The following AOC1 variants were observed in gnomAD, a reference collection of about 807,000 sequenced individuals.
The protein encoded by AOC1 is diamine oxidase [copper-containing].
A neutral mutation model predicts 57.1 loss-of-function variants in AOC1; 58 were observed. The ratio of observed to expected loss-of-function variants is 1.02; its 90% CI spans 0.82 to 1.26. The LOEUF is 1.26. Among genes scored for constraint, AOC1 ranks in the 50% most tolerant of loss-of-function variants. AOC1 has a pLI of 0.00. For synonymous variants in AOC1, 401 were observed against 423.4 expected, an observed-to-expected ratio of 0.95 and a Z score of 0.65; for missense variants, 917 against 1,005.3, an observed-to-expected ratio of 0.91 and a Z score of 1.19.
rs1033435266 is a variant in AOC1 at position 150,861,438 on chromosome 7, G to T, written c.*229G>T. ...CACACAGACGTGCACGCACTCACAC[G>T]GACATGCACACACATGGCATGTACT... On this transcript the variant is annotated 3_prime_UTR_variant, in exon 5 of 5. Transcript: ENST00000360937. This position sits in a 1 kb window ranked among gnomAD's most constrained non-coding sequence, Gnocchi z 4.5. The T allele has an allele frequency of 4.1e-6, 2 of 482,754 alleles. No individual in the cohort carries two copies. The highest frequency in any genetic ancestry group is 7.2e-6 in the Non-Finnish European group (2 of 275,884). The allele number at this position is 482,754 out of a possible 1,614,324, so 29.9% of individuals were successfully genotyped here.
intron 4 of AOC1, 74 bp from the exon 5 acceptor site, chr7:150,860,869 T>TTCAGCAAGTTTCCAGGCA: frequency 6.5e-7 from 1 of 1,529,148 alleles, no homozygotes; most frequent in Non-Finnish European, 8.8e-7. Context: ...GAACTGAAAA[T>TTCAGCAAGTTTCCAGGCA]GACCAAAGGC....
chr7:150,858,754 T>C lies in AOC1; in HGVS notation c.1571-9T>C, dbSNP rs1312517355. The stretch of plus-strand genomic sequence containing the variant: ...GATTCTCGTTCTCCTTCTCCCTGCA[T>C]ACCTCCAGGCACCAAGAACAGCTTC... On this transcript the variant is annotated splice_polypyrimidine_tract_variant and intron_variant, in intron 2 of 4. Coordinates refer to ENST00000360937, the MANE Select transcript of AOC1 (RefSeq NM_001091.4). The C allele has an allele frequency of 1.9e-6, 3 of 1,586,332 alleles. No individual in the cohort carries two copies. Among genetic ancestry groups the C allele is most frequent in the African/African-American group, 2.7e-5 (2 of 74,290 alleles).
chr7:150,856,349 C>T lies in AOC1; in HGVS notation c.-16-106C>T. 1 of 1,380,704 alleles carries T rather than the reference C, an allele frequency of 7.2e-7. No homozygotes were observed. Among genetic ancestry groups the T allele is most frequent in the South Asian group, 1.5e-5 (1 of 68,798 alleles). 85.5% of individuals were successfully genotyped at this position (1,380,704 alleles called of 1,614,324 possible). On this transcript the variant is annotated intron_variant, in intron 1 of 4. Transcript: ENST00000360937. This position sits in a 1 kb window ranked among gnomAD's most constrained non-coding sequence, Gnocchi z 5.2. ...GGACAGCCTCCAGCTTGGGGCAGGG[C>T]AAGGGGAGGAAGCTCAGTCCATGGG...
At chr7:150,854,744 C>G (rs1253631389) in intron 1 of AOC1, among the ~76,000 whole-genome samples, 1 of 152,204 alleles carries the variant, frequency 6.6e-6, no homozygotes, top group South Asian at 2.1e-4. Flanking sequence ...AAATGAAAAG[C>G]GCTCATGATG....
chr7:150,858,639 C>G (rs1799867284), intron 2 of AOC1, 124 bp from the exon 3 acceptor site: 1 of 1,098,892 alleles, frequency 9.1e-7, no homozygotes, highest in African/African-American at 1.6e-5. Context: ...CATCCCCCAA[C>G]ATCCCGGTTA....
Position 150,860,648 on chromosome 7 carries a change from C to T in AOC1, c.1989+15C>T. On this transcript the variant is annotated intron_variant, in intron 4 of 4. Transcript: ENST00000360937. The stretch of plus-strand genomic sequence containing the variant: ...TTGAAAATGAGGTACTGCCCTGTCC[C>T]CAGCCCTGCCCGGTGCTGGCCCTGC... 6.2e-7 allele frequency: 1 copy of T among 1,612,124 alleles called. No homozygotes were observed. The highest frequency in any genetic ancestry group is 8.5e-7 in the Non-Finnish European group (1 of 1,178,824).
intron 1 of AOC1, among the ~76,000 whole-genome samples, chr7:150,853,042 A>G (rs1389422050): frequency 6.6e-6 from 1 of 152,238 alleles, no homozygotes; most frequent in African/African-American, 2.4e-5. Flanking sequence ...TGCAGACTGT[A>G]AGATTCCAAA....
chr7:150,855,940 A>G (rs181787339), intron 1 of AOC1, among the ~76,000 whole-genome samples: 2 of 152,330 alleles, frequency 1.3e-5, no homozygotes, highest in Non-Finnish European at 1.5e-5. Context: ...AGCAAGTCCT[A>G]GTGGCATGAG....
intron 3 of AOC1, 110 bp downstream of exon 3, chr7:150,859,158 A>C (rs1715884558): frequency 8.2e-7 from 1 of 1,222,456 alleles, no homozygotes; most frequent in Non-Finnish European, 1.1e-6. Context: ...GTGGATATAC[A>C]CATATACGTA....
At position 150,859,025 on chromosome 7, in the gene AOC1, G is replaced by A; in HGVS notation, c.1833G>A (p.Glu611=). The stretch of plus-strand genomic sequence containing the variant: ...AGGTGCTGCCCCCAGGCTGGCAGGA[G>A]GAGCAGGCCATCACCTGGGCAAGGT... ...ADQVLPPGWQ[E]EQAITWARYP... The change falls in exon 3 of 5, where the codon GAG becomes GAA. Residue 611 remains glutamate (E), a synonymous_variant. Coordinates refer to ENST00000360937, the MANE Select transcript of AOC1 (RefSeq NM_001091.4). 6.3e-7 allele frequency: 1 copy of A among 1,583,046 alleles called. No homozygotes were observed. The highest frequency in any genetic ancestry group is 8.6e-7 in the Non-Finnish European group (1 of 1,159,096).
At chr7:150,859,153 T>A in intron 3 of AOC1, 105 bp downstream of exon 3, 1 of 1,241,830 alleles carries the variant, frequency 8.1e-7, no homozygotes, top group Non-Finnish European at 1.1e-6. Flanking sequence ...TCTATGTGGA[T>A]ATACACATAT....
At chr7:150,853,103 T>C (rs1273227050) in intron 1 of AOC1, among the ~76,000 whole-genome samples, 1 of 151,972 alleles carries the variant, frequency 6.6e-6, no homozygotes, top group East Asian at 1.9e-4. Context: ...AAAAGAGCAG[T>C]GATTGCTAGG....
Position 150,857,853 on chromosome 7 carries a change from T to A in AOC1, c.1383T>A (p.Tyr461Ter). ...GGACAACTTCAACTGTCTACAATTA[T>A]GATTACATTTGGGACTTTATCTTCT... Reference protein sequence around the residue: ...VLRTTSTVYNYDYIWDFIFYP... With the variant: ...VLRTTSTVYN Residue 461 changes from tyrosine to a stop codon, truncating the protein, a stop_gained, in exon 2 of 5, where the codon TAT becomes TAA. Transcript: ENST00000360937. LOFTEE classifies it high-confidence loss of function. This position sits in a 1 kb window ranked among gnomAD's most constrained non-coding sequence, Gnocchi z 6.6. 16 of 1,613,966 alleles carry A rather than the reference T, an allele frequency of 9.9e-6. No individual in the cohort carries two copies. Among genetic ancestry groups the A allele is most frequent in the Non-Finnish European group, 1.4e-5 (16 of 1,179,830 alleles).
rs1799962363 is a variant in AOC1 at position 150,861,281 on chromosome 7, C to T, written c.*72C>T. Reference sequence around the variant, plus strand: ...CTCACTGGGGCAGACAATAAACCCTCAGAGCCTCGCTCTGTGTGCTGCTTC... The same window carrying T: ...CTCACTGGGGCAGACAATAAACCCTTAGAGCCTCGCTCTGTGTGCTGCTTC... On this transcript the variant is annotated 3_prime_UTR_variant, in exon 5 of 5. Transcript: ENST00000360937. This position sits in a 1 kb window ranked among gnomAD's most constrained non-coding sequence, Gnocchi z 4.5. The T allele has an allele frequency of 6.8e-7, 1 of 1,462,404 alleles. No homozygotes were observed. Among genetic ancestry groups the T allele is most frequent in the Admixed American group, 2.4e-5 (1 of 40,842 alleles). The allele number at this position is 1,462,404 out of a possible 1,614,324, so 90.6% of individuals were successfully genotyped here.
At position 150,857,334 on chromosome 7, in the gene AOC1, C is replaced by A. The variant is rs759829314; in HGVS notation, c.864C>A (p.Arg288=). 3 of 1,600,968 alleles carry A rather than the reference C, an allele frequency of 1.9e-6. No individual in the cohort carries two copies. The African/African-American group carries it at 4.0e-5, about 21-fold the overall frequency. ...CCCTCTTCTCCTCCCACAAGCCCCG[C>A]GGGGACTTCCCCAGCCCCATCCATG... The part of the protein sequence containing the change: ...EPPLFSSHKP[R]GDFPSPIHVS... Residue 288 remains arginine (R), a synonymous_variant, in exon 2 of 5, where the codon CGC becomes CGA. Coordinates refer to ENST00000360937, the MANE Select transcript of AOC1 (RefSeq NM_001091.4). The surrounding 1 kb of genome is among the most constrained non-coding windows in gnomAD (Gnocchi z 6.6).
Position 150,861,082 on chromosome 7 carries a change from C to T in AOC1, c.2129C>T (p.Ser710Phe), listed in dbSNP as rs1407021427. 6.2e-7 allele frequency: 1 copy of T among 1,614,178 alleles called. No homozygotes were observed. Among genetic ancestry groups the T allele is most frequent in the African/African-American group, 1.3e-5 (1 of 75,052 alleles). Residue 710 changes from serine (S) to phenylalanine (F), a missense_variant, in exon 5 of 5, where the codon TCC (serine) becomes TTC (phenylalanine). By Grantham distance (155) the Ser-to-Phe change is radical (BLOSUM62 -2). Coordinates refer to ENST00000360937, the MANE Select transcript of AOC1 (RefSeq NM_001091.4). This position sits in a 1 kb window ranked among gnomAD's most constrained non-coding sequence, Gnocchi z 4.5. ...TTCCCAGAGGACCCCTCCCTGGCAT[C>T]CAGAGACACTGTGATCGTGTGGCCT... ...NFFPEDPSLA[S>F]RDTVIVWPRD...
rs1175470696 is a variant in AOC1, at chr7:150,861,383, C to G, written c.*174C>G. 6 of 675,800 alleles carry G rather than the reference C, an allele frequency of 8.9e-6. No homozygotes were observed. The highest frequency in any genetic ancestry group is 2.7e-5 in the East Asian group (1 of 36,404). 41.9% of individuals were successfully genotyped at this position (675,800 alleles called of 1,614,324 possible). ...ACACACACAGACGTGCACACACACA[C>G]AGACATGCACACACACACAGACGTG... On this transcript the variant is annotated 3_prime_UTR_variant, in exon 5 of 5. Transcript: ENST00000360937. This position sits in a 1 kb window ranked among gnomAD's most constrained non-coding sequence, Gnocchi z 4.5.
At chr7:150,858,332 C>T (rs573848917) in intron 2 of AOC1, among the ~76,000 whole-genome samples, 166 of 152,216 alleles carry the variant, frequency 1.1e-3, no homozygotes, top group Non-Finnish European at 2.1e-3. Context: ...CACTGTCTAG[C>T]GCTTTGAGAT....
At position 150,858,834 on chromosome 7, in the gene AOC1, C is replaced by G. The variant is rs146188230; in HGVS notation, c.1642C>G (p.Arg548Gly). 6.2e-6 allele frequency: 10 copies of G among 1,613,710 alleles called. No individual in the cohort carries two copies. The African/African-American group carries it at 1.2e-4, about 19-fold the overall frequency. Reference sequence around the variant, plus strand: ...CACCAACCCCTGGAGCCCAAGACACCGCGTGGTCCAGCCAACTCTGGAGCA... The same window carrying G: ...CACCAACCCCTGGAGCCCAAGACACGGCGTGGTCCAGCCAACTCTGGAGCA... ...NITNPWSPRH[R>G]VVQPTLEQTQ... Residue 548 changes from arginine to glycine, a missense_variant, in exon 3 of 5, where the codon CGC becomes GGC. Physicochemically the swap from Arg to Gly is moderately radical, Grantham distance 125 (BLOSUM62 -2). Coordinates refer to ENST00000360937, the MANE Select transcript of AOC1 (RefSeq NM_001091.4).
Sources: allele counts gnomAD v4.1 joint callset (sites outside exome capture counted in the v4.1 genomes callset), GRCh38; gene constraint gnomAD v4.1.1; non-coding constraint Gnocchi (gnomAD v3.1); transcripts MANE v1.5; gene names NCBI Gene and HGNC (gene_info 2026-07-23, HGNC 2026-07-21).